The following RYR2 variants were observed in gnomAD, a reference collection of about 807,000 sequenced individuals.
RYR2 encodes the protein ryanodine receptor 2.
RYR2 carries 227 observed loss-of-function variants against 601.1 expected under a neutral mutation model. That is an observed-to-expected ratio of 0.38 (90% confidence interval 0.34 to 0.42). The LOEUF is 0.42. Ranked by LOEUF, RYR2 falls within the 10% of genes least tolerant of loss-of-function variation. The pLI is 1.00. For missense variants in RYR2, 4,646 were observed against 6,156.5 expected, an observed-to-expected ratio of 0.75 and a Z score of 8.21; for synonymous variants, 2,223 against 2,175.1, an observed-to-expected ratio of 1.02 and a Z score of -0.61.
intron 63 of RYR2, among the ~76,000 whole-genome samples, chr1:237,696,961 A>G (rs1189750144): frequency 1.3e-5 from 2 of 152,110 alleles, no homozygotes; most frequent in African/African-American, 4.8e-5. Flanking sequence ...CTTTGAAAAT[A>G]TAAATCGTAT....
chr1:237,753,708 T>G (rs1692718198), intron 80 of RYR2, among the ~76,000 whole-genome samples: 1 of 152,148 alleles, frequency 6.6e-6, no homozygotes, highest in Admixed American at 6.5e-5. Context: ...CTGCAGGTGG[T>G]GTTTATTTAA....
At chr1:237,211,666 A>C (rs529428297) in intron 1 of RYR2, among the ~76,000 whole-genome samples, 1 of 152,340 alleles carries the variant, frequency 6.6e-6, no homozygotes, top group African/African-American at 2.4e-5. Context: ...TCATTTATCC[A>C]TTTGACAGTT....
At chr1:237,633,497 T>C (rs1680556892) in intron 42 of RYR2, 81 bp from the exon 43 acceptor site, 2 of 1,541,434 alleles carry the variant, frequency 1.3e-6, no homozygotes, top group South Asian at 1.1e-5. Flanking sequence ...GGATTGACGA[T>C]GTGATTGAGA....
At chr1:237,213,884 C>A (rs1682860099) in intron 1 of RYR2, among the ~76,000 whole-genome samples, 1 of 149,200 alleles carries the variant, frequency 6.7e-6, no homozygotes, top group Non-Finnish European at 1.5e-5. Flanking sequence ...CTAATTGTCC[C>A]AACCCATTTA....
intron 80 of RYR2, chr1:237,743,458 A>C (rs991186335): frequency 1.1e-5 from 3 of 264,824 alleles, no homozygotes; most frequent in African/African-American, 6.7e-5. Flanking sequence ...CTTTATTGAT[A>C]AGAAAGTGAG....
intron 1 of RYR2, among the ~76,000 whole-genome samples, chr1:237,216,459 T>C (rs1683161876): frequency 6.6e-6 from 1 of 151,886 alleles, no homozygotes; most frequent in Non-Finnish European, 1.5e-5. Flanking sequence ...TAATATGGGC[T>C]AGGAGCGGTG....
chr1:237,233,077 TAGGATATAGA>T (rs1296527302), intron 1 of RYR2, among the ~76,000 whole-genome samples: 1 of 152,110 alleles, frequency 6.6e-6, no homozygotes, highest in Admixed American at 6.5e-5. Flanking sequence ...CACAGAACGA[TAGGATATAGA>T]AGGAGAAAAC....
chr1:237,337,845 G>A (rs1450142221), intron 3 of RYR2, among the ~76,000 whole-genome samples: 1 of 152,138 alleles, frequency 6.6e-6, no homozygotes, highest in Admixed American at 6.5e-5. Flanking sequence ...CTCTATGGCC[G>A]CCTTTACAAG....
rs570907620 is a variant in RYR2 at position 237,224,574 on chromosome 1, C to G, written c.49-45923C>G. ...TACATATGTTAATAATTATGACTTA[C>G]AGGCTGGGCACAGTGGCTCATACCT... On this transcript the variant is annotated intron_variant, in intron 1 of 104. Coordinates refer to ENST00000366574, the MANE Select transcript of RYR2 (RefSeq NM_001035.3). Among the ~76,000 whole-genome samples, 39 of 152,186 alleles carry G rather than the reference C, an allele frequency of 2.6e-4. No homozygotes were observed. In the South Asian group the frequency reaches 7.9e-3, roughly 31 times the overall value.
At chr1:237,472,917 G>A (rs1660895468) in intron 17 of RYR2, among the ~76,000 whole-genome samples, 1 of 152,026 alleles carries the variant, frequency 6.6e-6, no homozygotes, top group South Asian at 2.1e-4. Context: ...AATAGCAAAT[G>A]GGAAGTCATT....
At chr1:237,623,993 T>C in intron 39 of RYR2, 123 bp downstream of exon 39, 1 of 667,622 alleles carries the variant, frequency 1.5e-6, no homozygotes, top group East Asian at 2.8e-5. Flanking sequence ...TAGAAAGTTA[T>C]ATAAAAACAT....
intron 1 of RYR2, among the ~76,000 whole-genome samples, chr1:237,214,661 C>G (rs1335002379): frequency 6.6e-6 from 1 of 152,152 alleles, no homozygotes; most frequent in African/African-American, 2.4e-5. Flanking sequence ...TAACAAATAT[C>G]CTAACTATAT....
Position 237,731,891 on chromosome 1 carries a change from TACACACAC to T in RYR2, c.10936-134_10936-127del, listed in dbSNP as rs71561898. On this transcript the variant is annotated intron_variant, in intron 77 of 104. Coordinates refer to ENST00000366574, the MANE Select transcript of RYR2 (RefSeq NM_001035.3). Reference sequence around the variant, plus strand: ...TATAGCATGTATAATGCATATAAAATACACACACACACACACACACACACACACCCCAC... The same window carrying T: ...TATAGCATGTATAATGCATATAAAATACACACACACACACACACACCCCAC... Among the ~76,000 whole-genome samples the T allele has an allele frequency of 7.2e-3, 1,056 of 147,404 alleles. 12 individuals carry two copies. Among genetic ancestry groups the T allele is most frequent in the African/African-American group, 0.025 (987 of 40,040 alleles).
chr1:237,773,922 A>C (rs1246539790), intron 87 of RYR2, among the ~76,000 whole-genome samples: 1 of 152,166 alleles, frequency 6.6e-6, no homozygotes, highest in Non-Finnish European at 1.5e-5. Flanking sequence ...GCACTTAGTA[A>C]ATATTAAGGA....
At chr1:237,687,632 G>A in intron 63 of RYR2, 128 bp downstream of exon 63, 1 of 741,264 alleles carries the variant, frequency 1.3e-6, no homozygotes, top group Non-Finnish European at 2.4e-6. Flanking sequence ...GGTCGTTGCA[G>A]GCCAAGATAA....
At chr1:237,475,072 T>C (rs963389824) in intron 17 of RYR2, among the ~76,000 whole-genome samples, 7 of 152,096 alleles carry the variant, frequency 4.6e-5, no homozygotes, top group African/African-American at 1.7e-4. Flanking sequence ...TTTTATATGC[T>C]TTACAAATAC....
chr1:237,458,745 AAAAAAAG>A (rs1400672140), intron 16 of RYR2, among the ~76,000 whole-genome samples: 1 of 152,182 alleles, frequency 6.6e-6, no homozygotes, highest in African/African-American at 2.4e-5. Context: ...AAAGTTAAAA[AAAAAAAG>A]AAAAAAGAAT....
intron 3 of RYR2, among the ~76,000 whole-genome samples, chr1:237,352,521 C>G (rs1191875516): frequency 6.6e-6 from 1 of 152,056 alleles, no homozygotes; most frequent in Non-Finnish European, 1.5e-5. Context: ...CAGTTCTCTT[C>G]CAATTGATCA....
At chr1:237,141,528 T>C (rs1309346542) in intron 1 of RYR2, among the ~76,000 whole-genome samples, 5 of 152,176 alleles carry the variant, frequency 3.3e-5, no homozygotes, top group African/African-American at 1.2e-4. Context: ...GGTGCAGTTG[T>C]TAAGAGAAAA....
Sources: gnomAD v4.1 joint callset for allele counts (sites outside exome capture counted in the v4.1 genomes callset) on GRCh38, gnomAD v4.1.1 for gene constraint, MANE v1.5 for transcripts, NCBI Gene and HGNC (gene_info 2026-07-23, HGNC 2026-07-21) for gene names.